Variants in TAFA2 observed in about 807,000 individuals in gnomAD.
TAFA2 encodes TAFA chemokine like family member 2, also known as chemokine-like protein TAFA-2.
In TAFA2, 7 loss-of-function variants were observed where a neutral mutation model predicts 18.8. That is an observed-to-expected ratio of 0.37 (90% confidence interval 0.21 to 0.70). TAFA2 has a LOEUF of 0.70. Ranked by LOEUF, TAFA2 falls within the 30% of genes least tolerant of loss-of-function variation. The pLI is 0.53. For synonymous variants in TAFA2, 60 were observed against 54.2 expected, an observed-to-expected ratio of 1.11 and a Z score of -0.47; for missense variants, 122 against 158.1, an observed-to-expected ratio of 0.77 and a Z score of 1.23.
intron 1 of TAFA2, among the ~76,000 whole-genome samples, chr12:62,152,607 C>A (rs1384292482): frequency 3.9e-5 from 6 of 152,152 alleles, no homozygotes; most frequent in Non-Finnish European, 7.4e-5. Flanking sequence ...TTATGCTATT[C>A]CAAAATTCAG....
intron 1 of TAFA2, among the ~76,000 whole-genome samples, chr12:62,166,410 C>A (rs985904524): frequency 6.6e-6 from 1 of 152,146 alleles, no homozygotes; most frequent in African/African-American, 2.4e-5. Context: ...GGGAATCCAT[C>A]ACAAAGTAAT....
intron 4 of TAFA2, among the ~76,000 whole-genome samples, chr12:61,712,210 T>C (rs542352045): frequency 6.6e-6 from 1 of 152,218 alleles, no homozygotes; most frequent in African/African-American, 2.4e-5. Context: ...GACTCTATGA[T>C]AGCAAGTGAC....
At chr12:61,893,221 T>G (rs982255264) in intron 1 of TAFA2, among the ~76,000 whole-genome samples, 10 of 152,148 alleles carry the variant, frequency 6.6e-5, no homozygotes, top group Admixed American at 2.6e-4. Flanking sequence ...AGGATGAGCT[T>G]AAACAAGTAA....
chr12:62,108,233 C>T (rs565830062), intron 1 of TAFA2, among the ~76,000 whole-genome samples: 14 of 152,036 alleles, frequency 9.2e-5, no homozygotes, highest in Admixed American at 6.6e-4. Context: ...TGAGAACATG[C>T]GATGTTTGGT....
chr12:62,141,848 T>G (rs952297284), intron 1 of TAFA2, among the ~76,000 whole-genome samples: 20 of 152,160 alleles, frequency 1.3e-4, no homozygotes, highest in Admixed American at 1.3e-4. Context: ...TTCAGTCAAC[T>G]AAGAAAAATT....
chr12:62,063,315 C>A (rs563264838), intron 1 of TAFA2, among the ~76,000 whole-genome samples: 4 of 152,088 alleles, frequency 2.6e-5, no homozygotes, highest in Non-Finnish European at 4.4e-5. Context: ...ATTCCTGATG[C>A]TAATCTAAAC....
At chr12:62,213,121 C>T (rs977532334) in intron 1 of TAFA2, among the ~76,000 whole-genome samples, 1 of 152,194 alleles carries the variant, frequency 6.6e-6, no homozygotes, top group African/African-American at 2.4e-5. Context: ...TGGATTTACA[C>T]CAGGCAGCTG....
At chr12:61,877,930 C>CACACAT (rs1874935111) in intron 1 of TAFA2, 3 of 307,520 alleles carry the variant, frequency 9.8e-6, no homozygotes, top group South Asian at 2.8e-5. Context: ...TATATACACA[C>CACACAT]ACACACACAC....
At chr12:61,872,355 G>A (rs372586168) in intron 1 of TAFA2, among the ~76,000 whole-genome samples, 6 of 151,862 alleles carry the variant, frequency 4.0e-5, no homozygotes, top group South Asian at 2.1e-4. Context: ...TCTAAATACC[G>A]GACAAACTTG....
At chr12:61,936,412 A>G (rs1350200768) in intron 1 of TAFA2, among the ~76,000 whole-genome samples, 4 of 152,188 alleles carry the variant, frequency 2.6e-5, no homozygotes, top group Admixed American at 6.5e-5. Flanking sequence ...AACTAAAAAT[A>G]CAAAACTTAG....
chr12:62,218,373 G>A (rs1188546697), intron 1 of TAFA2, among the ~76,000 whole-genome samples: 5 of 152,140 alleles, frequency 3.3e-5, no homozygotes, highest in South Asian at 2.1e-4. Context: ...TCTCCTACCC[G>A]TGTCTGATGA....
At chr12:61,940,459 G>A (rs562313741) in intron 1 of TAFA2, among the ~76,000 whole-genome samples, 2 of 152,244 alleles carry the variant, frequency 1.3e-5, no homozygotes, top group Non-Finnish European at 2.9e-5. Flanking sequence ...AGGTGCCCAG[G>A]TGGGGAAGAC....
At chr12:61,851,233 A>G (rs566813513) in intron 2 of TAFA2, among the ~76,000 whole-genome samples, 1 of 152,336 alleles carries the variant, frequency 6.6e-6, no homozygotes, top group East Asian at 1.9e-4. Context: ...CAGGGAAACT[A>G]ACCTAGAGGG....
At chr12:62,196,912 G>A, upstream of TAFA2, among the ~76,000 whole-genome samples, 1 of 152,178 alleles carries the variant, frequency 6.6e-6, no homozygotes, top group South Asian at 2.1e-4. Context: ...GCAAAGTGCA[G>A]CAAAGAAGGG....
intron 1 of TAFA2, chr12:61,880,801 TC>T: frequency 2.3e-5 from 7 of 309,716 alleles, no homozygotes; most frequent in South Asian, 6.6e-5. Flanking sequence ...CCCACCCTAC[TC>T]CCCCCTGCAG....
chr12:61,712,845 GAC>G (rs527963271), intron 4 of TAFA2, among the ~76,000 whole-genome samples: 126 of 151,870 alleles, frequency 8.3e-4, no homozygotes, highest in African/African-American at 2.4e-3. Flanking sequence ...TGACCAAGAG[GAC>G]ACATGGTGAT....
In TAFA2 at chr12:61,826,690, C is replaced by T. The variant is rs150478305; in HGVS notation, c.106+40630G>A. 5.8e-3 allele frequency among the ~76,000 whole-genome samples: 889 copies of T among 152,058 alleles called. 7 individuals are homozygous for T. Among genetic ancestry groups the T allele is most frequent in the African/African-American group, 0.02 (824 of 41,526 alleles). On this transcript the variant is annotated intron_variant, in intron 2 of 4. Transcript: ENST00000416284. ...CAAAGTGTAATCCTCAGATTTGACT[C>T]ACAGCAAGATGCATTATGCATGGCC...
chr12:61,990,464 C>T (rs748782325), intron 1 of TAFA2, among the ~76,000 whole-genome samples: 6 of 151,314 alleles, frequency 4.0e-5, no homozygotes, highest in Non-Finnish European at 8.8e-5. Context: ...CTCAGCCTCC[C>T]GAGTAGCTGG....
intron 1 of TAFA2, among the ~76,000 whole-genome samples, chr12:62,047,388 T>G (rs992285821): frequency 6.6e-6 from 1 of 152,158 alleles, no homozygotes; most frequent in Non-Finnish European, 1.5e-5. Flanking sequence ...ATCATCATAA[T>G]GATTCAATTA....
Sources: allele counts gnomAD v4.1 joint callset (sites outside exome capture counted in the v4.1 genomes callset), GRCh38; gene constraint gnomAD v4.1.1; transcripts MANE v1.5; gene names NCBI Gene and HGNC (gene_info 2026-07-23, HGNC 2026-07-21).